The following RASAL2 variants were observed in gnomAD, a reference collection of about 807,000 sequenced individuals.
The protein encoded by RASAL2 is ras GTPase-activating protein nGAP.
RASAL2 carries 58 observed loss-of-function variants against 128.9 expected under a neutral mutation model. The observed-to-expected ratio is 0.45, with a 90% CI of 0.36 to 0.56. RASAL2 has a LOEUF of 0.56. Among genes scored for constraint, RASAL2 ranks in the 20% least tolerant of loss-of-function variants. The probability of loss-of-function intolerance (pLI) is 0.00; values close to 1 mark genes in which losing one functional copy is unlikely to be tolerated. For missense variants in RASAL2, 1,360 were observed against 1,601.6 expected (o/e 0.85, Z 2.57); for synonymous variants, 561 against 580.8 (o/e 0.97, Z 0.49).
At chr1:178,356,522 T>C (rs918898963) in intron 3 of RASAL2, among the ~76,000 whole-genome samples, 2 of 152,118 alleles carry the variant, frequency 1.3e-5, no homozygotes, top group African/African-American at 4.8e-5. Context: ...CAAACTACAG[T>C]GACACACAGC....
At chr1:178,401,224 T>A (rs1673607026) in intron 4 of RASAL2, among the ~76,000 whole-genome samples, 1 of 152,246 alleles carries the variant, frequency 6.6e-6, no homozygotes, top group Admixed American at 6.5e-5. Context: ...GACATTGACC[T>A]CTTATGCCAT....
At chr1:178,206,526 G>T (rs1663052940) in intron 1 of RASAL2, among the ~76,000 whole-genome samples, 2 of 152,164 alleles carry the variant, frequency 1.3e-5, no homozygotes, top group South Asian at 4.1e-4. Flanking sequence ...TAGTTGCATG[G>T]CTAATAAGGA....
intron 9 of RASAL2, among the ~76,000 whole-genome samples, chr1:178,448,659 C>CA (rs976712958): frequency 3.5e-4 from 48 of 138,248 alleles, no homozygotes; most frequent in Middle Eastern, 3.6e-3. Context: ...AAAAGTCCAC[C>CA]AAAAAAAAAA....
chr1:178,102,806 C>T (rs1441023635), intron 1 of RASAL2, among the ~76,000 whole-genome samples: 1 of 152,160 alleles, frequency 6.6e-6, no homozygotes, highest in Non-Finnish European at 1.5e-5. Context: ...CTACAACTTG[C>T]CATCTGGCAG....
intron 1 of RASAL2, among the ~76,000 whole-genome samples, chr1:178,109,172 G>T (rs987774420): frequency 6.6e-6 from 1 of 152,186 alleles, no homozygotes; most frequent in Non-Finnish European, 1.5e-5. Flanking sequence ...CTAGGAAAGA[G>T]AATTCACTTT....
At chr1:178,137,589 G>A (rs1174300392) in intron 1 of RASAL2, among the ~76,000 whole-genome samples, 1 of 152,122 alleles carries the variant, frequency 6.6e-6, no homozygotes, top group Non-Finnish European at 1.5e-5. Flanking sequence ...GTCATCTGAG[G>A]TATATAGTAG....
At chr1:178,293,670 A>G (rs1241027611) in intron 2 of RASAL2, among the ~76,000 whole-genome samples, 1 of 152,258 alleles carries the variant, frequency 6.6e-6, no homozygotes, top group Non-Finnish European at 1.5e-5. Flanking sequence ...TCCTTTGCCT[A>G]AAATGGCCCC....
chr1:178,306,234 T>A (rs1378023076), intron 3 of RASAL2, among the ~76,000 whole-genome samples: 2 of 152,200 alleles, frequency 1.3e-5, no homozygotes, highest in African/African-American at 2.4e-5. Flanking sequence ...AACTTATCAT[T>A]TTTTATGGCT....
chr1:178,457,532 A>G, intron 13 of RASAL2, 151 bp from the exon 14 acceptor site: 1 of 831,370 alleles, frequency 1.2e-6, no homozygotes, highest in Non-Finnish European at 1.9e-6. Flanking sequence ...AAGCATTGTA[A>G]TAATTCCCTA....
chr1:178,373,292 A>G (rs1263225062), intron 3 of RASAL2, among the ~76,000 whole-genome samples: 1 of 18,814 alleles, frequency 5.3e-5, no homozygotes, highest in Non-Finnish European at 1.1e-4. Flanking sequence ...TTTTTTTTGC[A>G]GTTTAGATGT....
chr1:178,261,541 A>G (rs1665693725), intron 1 of RASAL2, among the ~76,000 whole-genome samples: 1 of 152,210 alleles, frequency 6.6e-6, no homozygotes, highest in South Asian at 2.1e-4. Context: ...AAGTAAAGAA[A>G]AGTAACTTTT....
intron 9 of RASAL2, 94 bp from the exon 10 acceptor site, chr1:178,451,477 C>A: frequency 1.5e-6 from 2 of 1,309,780 alleles, no homozygotes; most frequent in Non-Finnish European, 2.0e-6. Context: ...AAGAATTCCC[C>A]ATTATACGTT....
intron 1 of RASAL2, among the ~76,000 whole-genome samples, chr1:178,258,780 C>T (rs1018854761): frequency 3.3e-5 from 5 of 152,120 alleles, no homozygotes; most frequent in African/African-American, 4.8e-5. Context: ...GAAATGAAAA[C>T]GTATGTCCTC....
chr1:178,267,366 C>T (rs973126460), intron 1 of RASAL2, among the ~76,000 whole-genome samples: 27 of 152,026 alleles, frequency 1.8e-4, no homozygotes, highest in African/African-American at 5.8e-4. Context: ...ACCATTCCAA[C>T]TTCCTCACTA....
intron 1 of RASAL2, among the ~76,000 whole-genome samples, chr1:178,217,123 G>A (rs1445004964): frequency 6.6e-6 from 1 of 151,896 alleles, no homozygotes; most frequent in African/African-American, 2.4e-5. Flanking sequence ...TTATAGGCAC[G>A]CACCACCACG....
chr1:178,326,995 A>G (rs553261453), intron 3 of RASAL2, among the ~76,000 whole-genome samples: 2 of 152,348 alleles, frequency 1.3e-5, no homozygotes, highest in African/African-American at 4.8e-5. Flanking sequence ...CCATGCTACA[A>G]TATAAATATT....
intron 3 of RASAL2, among the ~76,000 whole-genome samples, chr1:178,329,649 C>T (rs1254290119): frequency 6.6e-6 from 1 of 152,090 alleles, no homozygotes; most frequent in African/African-American, 2.4e-5. Context: ...AATATCATTC[C>T]AAGTGAACAT....
intron 1 of RASAL2, among the ~76,000 whole-genome samples, chr1:178,252,820 C>T (rs1665117939): frequency 6.6e-6 from 1 of 152,134 alleles, no homozygotes; most frequent in South Asian, 2.1e-4. Context: ...TCACTAAATC[C>T]AGTTCGTCAG....
At chr1:178,261,082 C>A (rs1182907137) in intron 1 of RASAL2, among the ~76,000 whole-genome samples, 3 of 152,154 alleles carry the variant, frequency 2.0e-5, no homozygotes, top group Non-Finnish European at 4.4e-5. Flanking sequence ...CTTGCTGCTG[C>A]CATCATTATT....
Sources: allele counts gnomAD v4.1 joint callset (sites outside exome capture counted in the v4.1 genomes callset), GRCh38; gene constraint gnomAD v4.1.1; transcripts MANE v1.5; gene names NCBI Gene and HGNC (gene_info 2026-07-23, HGNC 2026-07-21).